CAMK1D: variants seen among roughly 807,000 people sequenced by gnomAD.
CAMK1D encodes calcium/calmodulin dependent protein kinase ID, also known as calcium/calmodulin-dependent protein kinase type 1D.
In CAMK1D, 9 loss-of-function variants were observed where a neutral mutation model predicts 47.7. The ratio of observed to expected loss-of-function variants is 0.19; its 90% CI spans 0.11 to 0.33. The LOEUF is 0.33. CAMK1D is among the 10% of genes least tolerant of loss of function. The pLI is 1.00. For synonymous variants in CAMK1D, 184 were observed against 184.9 expected (o/e 0.99, Z 0.04); for missense variants, 291 against 488.7 (o/e 0.60, Z 3.81).
intron 2 of CAMK1D, among the ~76,000 whole-genome samples, chr10:12,574,740 G>A (rs1345875978): frequency 6.6e-6 from 1 of 152,082 alleles, no homozygotes; most frequent in African/African-American, 2.4e-5. Flanking sequence ...TTGGTTCATG[G>A]TTCTGCAGGC....
chr10:12,795,145 C>T (rs1838140425), intron 6 of CAMK1D, among the ~76,000 whole-genome samples: 1 of 152,050 alleles, frequency 6.6e-6, no homozygotes, highest in Non-Finnish European at 1.5e-5. Flanking sequence ...CAGGGAAAAG[C>T]ACCATCAAGG....
chr10:12,498,189 A>G (rs1311730082), intron 1 of CAMK1D, among the ~76,000 whole-genome samples: 1 of 152,236 alleles, frequency 6.6e-6, no homozygotes, highest in African/African-American at 2.4e-5. Flanking sequence ...CATATCAGGA[A>G]GGGCGGGAGA....
intron 2 of CAMK1D, among the ~76,000 whole-genome samples, chr10:12,615,809 C>G (rs1056965893): frequency 1.4e-5 from 2 of 148,024 alleles, no homozygotes; most frequent in Non-Finnish European, 3.0e-5. Context: ...GTGTTGTGTG[C>G]GTGTGTATAG....
intron 2 of CAMK1D, among the ~76,000 whole-genome samples, chr10:12,579,049 C>T (rs1837582746): frequency 6.6e-6 from 1 of 150,960 alleles, no homozygotes; most frequent in Non-Finnish European, 1.5e-5. Flanking sequence ...TGTGTCTGCT[C>T]CAGGGAAGGG....
At chr10:12,819,244 TGCCC>T (rs1564586572) in intron 8 of CAMK1D, among the ~76,000 whole-genome samples, 1 of 152,104 alleles carries the variant, frequency 6.6e-6, no homozygotes, top group African/African-American at 2.4e-5. Flanking sequence ...TGAGAAGGCT[TGCCC>T]CAGGCCAGCG....
chr10:12,365,837 G>A (rs1837816705), intron 1 of CAMK1D, among the ~76,000 whole-genome samples: 1 of 152,146 alleles, frequency 6.6e-6, no homozygotes, highest in East Asian at 1.9e-4. Flanking sequence ...CCAATCAGTT[G>A]AAGTCAGGAG....
chr10:12,828,469 C>T (rs529570047), intron 10 of CAMK1D, among the ~76,000 whole-genome samples: 3 of 151,926 alleles, frequency 2.0e-5, no homozygotes, highest in East Asian at 1.9e-4. Flanking sequence ...GGTGAAACCC[C>T]ATCTCTACTA....
intron 6 of CAMK1D, among the ~76,000 whole-genome samples, chr10:12,794,537 A>G (rs1838111070): frequency 2.0e-5 from 3 of 152,274 alleles, no homozygotes; most frequent in South Asian, 4.2e-4. Context: ...GCACTGCAAC[A>G]TTTGCCAGGG....
In CAMK1D at chr10:12,694,098, T is replaced by C. The variant is rs1443431293; in HGVS notation, c.299+27288T>C. ...AAAATATTATGTATAATATATATTATATAATATATAATATATATTATGCAT... is the reference window on the plus strand; with the variant it reads ...AAAATATTATGTATAATATATATTACATAATATATAATATATATTATGCAT... On this transcript the variant is annotated intron_variant, in intron 3 of 10. Transcript: ENST00000619168. Among the ~76,000 whole-genome samples the C allele has an allele frequency of 2.2e-4, 12 of 54,838 alleles. 2 individuals carry two copies. The highest frequency in any genetic ancestry group is 8.9e-4 in the African/African-American group (12 of 13,532). The allele number at this position is 54,838 out of a possible 152,430, so 36.0% of individuals were successfully genotyped here.
At chr10:12,587,140 T>C (rs1837842772) in intron 2 of CAMK1D, among the ~76,000 whole-genome samples, 1 of 152,228 alleles carries the variant, frequency 6.6e-6, no homozygotes, top group South Asian at 2.1e-4. Flanking sequence ...AGTCCCATGC[T>C]CTGGTTTCAT....
chr10:12,805,036 G>A (rs1028178126), intron 6 of CAMK1D, among the ~76,000 whole-genome samples: 7 of 151,662 alleles, frequency 4.6e-5, no homozygotes, highest in African/African-American at 1.2e-4. Flanking sequence ...CGATGTAGGC[G>A]GATCACGAGG....
intron 8 of CAMK1D, among the ~76,000 whole-genome samples, chr10:12,817,889 A>G (rs1387397403): frequency 6.6e-6 from 1 of 152,068 alleles, no homozygotes; most frequent in Middle Eastern, 3.2e-3. Flanking sequence ...GGGTTTCGCC[A>G]TGTTGGCCAG....
chr10:12,613,253 T>G (rs1245110776), intron 2 of CAMK1D, among the ~76,000 whole-genome samples: 1 of 152,360 alleles, frequency 6.6e-6, no homozygotes, highest in Non-Finnish European at 1.5e-5. Flanking sequence ...ACCTTCTAAA[T>G]TGGCACCTAA....
At chr10:12,787,409 G>A (rs1033350575) in intron 5 of CAMK1D, among the ~76,000 whole-genome samples, 1 of 152,188 alleles carries the variant, frequency 6.6e-6, no homozygotes, top group African/African-American at 2.4e-5. Context: ...CGGGGAGGAG[G>A]TTGTTCTTTT....
intron 1 of CAMK1D, among the ~76,000 whole-genome samples, chr10:12,420,680 G>T (rs1046621512): frequency 6.6e-6 from 1 of 152,090 alleles, no homozygotes; most frequent in African/African-American, 2.4e-5. Context: ...AAGGTTTCAG[G>T]GGTTTCAGGA....
chr10:12,613,998 C>A (rs1449847175), intron 2 of CAMK1D, among the ~76,000 whole-genome samples: 1 of 152,174 alleles, frequency 6.6e-6, no homozygotes, highest in Non-Finnish European at 1.5e-5. Context: ...ATCACACAAT[C>A]CTTATTAACT....
intron 1 of CAMK1D, among the ~76,000 whole-genome samples, chr10:12,412,473 A>AAAAT (rs1274580897): frequency 6.7e-6 from 1 of 149,850 alleles, no homozygotes; most frequent in Non-Finnish European, 1.5e-5. Context: ...AAAAAAAAAA[A>AAAAT]TTAGCCAGGC....
At chr10:12,683,081 C>A (rs1314036170) in intron 3 of CAMK1D, among the ~76,000 whole-genome samples, 1 of 138,830 alleles carries the variant, frequency 7.2e-6, no homozygotes, top group East Asian at 2.1e-4. Flanking sequence ...GCCACCTCAC[C>A]CAGCTAATTT....
chr10:12,785,596 G>A (rs1837687094), intron 5 of CAMK1D, among the ~76,000 whole-genome samples: 1 of 152,184 alleles, frequency 6.6e-6, no homozygotes, highest in Non-Finnish European at 1.5e-5. Flanking sequence ...AGGCCCCGGA[G>A]GGACTGTGCT....
Sources: allele counts gnomAD v4.1 joint callset (sites outside exome capture counted in the v4.1 genomes callset), GRCh38; gene constraint gnomAD v4.1.1; transcripts MANE v1.5; gene names NCBI Gene and HGNC (gene_info 2026-07-23, HGNC 2026-07-21).